The following ABHD16A variants were observed in gnomAD, a reference collection of about 807,000 sequenced individuals.
ABHD16A encodes the protein abhydrolase domain containing 16A, phospholipase, also known as phosphatidylserine lipase ABHD16A.
Under a neutral mutation model 89.8 loss-of-function variants are expected in ABHD16A, and 47 were observed. The observed-to-expected ratio is 0.52, with a 90% CI of 0.41 to 0.67. The LOEUF is 0.67. ABHD16A is among the 30% of genes least tolerant of loss of function. The probability of loss-of-function intolerance (pLI) is 0.00; values close to 1 mark genes in which losing one functional copy is unlikely to be tolerated. For synonymous variants in ABHD16A, 251 were observed against 280.4 expected, an observed-to-expected ratio of 0.90 and a Z score of 1.05; for missense variants, 580 against 734.6, an observed-to-expected ratio of 0.79 and a Z score of 2.43.
At position 31,698,407 on chromosome 6, in the gene ABHD16A, TA is replaced by T. The variant is rs376343237; in HGVS notation, c.344-1375del. ...AAAGCAAATATCACAAAACTATATATAAAAAAAAAATCACAAAACTATACAT... is the reference window on the plus strand; with the variant it reads ...AAAGCAAATATCACAAAACTATATATAAAAAAAAATCACAAAACTATACAT... On this transcript the variant is annotated intron_variant, in intron 4 of 19. Coordinates refer to ENST00000395952, the MANE Select transcript of ABHD16A (RefSeq NM_021160.3). The surrounding 1 kb of genome is among the most constrained non-coding windows in gnomAD (Gnocchi z 4.1). 1.5e-4 allele frequency among the ~76,000 whole-genome samples: 22 copies of T among 149,822 alleles called. No homozygotes were observed. The highest frequency in any genetic ancestry group is 3.2e-4 in the African/African-American group (13 of 40,998).
Position 31,690,382 on chromosome 6 carries a change from G to A in ABHD16A, c.907+157C>T. ...ACACAGGCCAGGGGAGGGATGTAAGGTTATCAAAGCAAATGGCGAGTGGAC... is the reference window on the plus strand; with the variant it reads ...ACACAGGCCAGGGGAGGGATGTAAGATTATCAAAGCAAATGGCGAGTGGAC... On this transcript the variant is annotated intron_variant, in intron 10 of 19. Coordinates refer to ENST00000395952, the MANE Select transcript of ABHD16A (RefSeq NM_021160.3). The surrounding 1 kb of genome is among the most constrained non-coding windows in gnomAD (Gnocchi z 4.1). 3.6e-6 allele frequency: 3 copies of A among 824,268 alleles called. No homozygotes were observed. Among genetic ancestry groups the A allele is most frequent in the Admixed American group, 2.2e-5 (1 of 45,518 alleles). The allele number at this position is 824,268 out of a possible 1,614,324, so 51.1% of individuals were successfully genotyped here. A position where few individuals can be genotyped will look rare whatever the true frequency, so the allele number is the denominator to read the frequency against.
chr6:31,689,217 T>C, intron 12 of ABHD16A, 98 bp from the exon 13 acceptor site: 1 of 1,070,542 alleles, frequency 9.3e-7, no homozygotes, highest in East Asian at 2.6e-5. Flanking sequence ...GCCAACCCCA[T>C]TCCCCCTATG....
chr6:31,690,311 T>G lies in ABHD16A; in HGVS notation c.908-184A>C. The G allele has an allele frequency of 5.9e-6, 4 of 673,224 alleles. No individual in the cohort carries two copies. Among genetic ancestry groups the G allele is most frequent in the Non-Finnish European group, 1.0e-5 (4 of 395,752 alleles). The allele number at this position is 673,224 out of a possible 1,614,324, so 41.7% of individuals were successfully genotyped here. On this transcript the variant is annotated intron_variant, in intron 10 of 19. Coordinates refer to ENST00000395952, the MANE Select transcript of ABHD16A (RefSeq NM_021160.3). The surrounding 1 kb of genome is among the most constrained non-coding windows in gnomAD (Gnocchi z 4.1). ...GGGAGCAGCATGTGATTGTGTGGGGTGTGTGGTGGGGGAATGGAACAGAAT... is the reference window on the plus strand; with the variant it reads ...GGGAGCAGCATGTGATTGTGTGGGGGGTGTGGTGGGGGAATGGAACAGAAT...
chr6:31,693,271 T>C lies in ABHD16A; in HGVS notation c.503+88A>G. The C allele has an allele frequency of 3.1e-6, 5 of 1,589,722 alleles. No homozygotes were observed. The highest frequency in any genetic ancestry group is 4.3e-6 in the Non-Finnish European group (5 of 1,161,688). ...GCATTGGAAGGCAGGCACTGTGACC[T>C]GAGAGGGCATGGAGGTGGGAGGGCA... On this transcript the variant is annotated intron_variant, in intron 6 of 19. Transcript: ENST00000395952. The surrounding 1 kb of genome is among the most constrained non-coding windows in gnomAD (Gnocchi z 5.0).
chr6:31,702,140 C>A lies in ABHD16A; in HGVS notation c.133-10G>T. 1.2e-6 allele frequency: 2 copies of A among 1,613,086 alleles called. No individual in the cohort carries two copies. The highest frequency in any genetic ancestry group is 1.7e-6 in the Non-Finnish European group (2 of 1,180,012). On this transcript the variant is annotated splice_polypyrimidine_tract_variant and intron_variant, in intron 1 of 19. Coordinates refer to ENST00000395952, the MANE Select transcript of ABHD16A (RefSeq NM_021160.3). ...GCTGATAGTACGTATCCTGCCAAAACAGATGGCCTCCTTAAGGACCCTGCC... is the reference window on the plus strand; with the variant it reads ...GCTGATAGTACGTATCCTGCCAAAAAAGATGGCCTCCTTAAGGACCCTGCC...
chr6:31,688,766 CGGTCCT>C lies in ABHD16A; in HGVS notation c.1201_1206del (p.Arg401_Thr402del). 6.2e-7 allele frequency: 1 copy of C among 1,613,002 alleles called. No homozygotes were observed. The highest frequency in any genetic ancestry group is 8.5e-7 in the Non-Finnish European group (1 of 1,179,980). On this transcript the variant is annotated inframe_deletion, in exon 14 of 20. Coordinates refer to ENST00000395952, the MANE Select transcript of ABHD16A (RefSeq NM_021160.3). The surrounding 1 kb of genome is among the most constrained non-coding windows in gnomAD (Gnocchi z 4.9). The stretch of plus-strand genomic sequence containing the variant: ...TTGTTTAGATTGAGATGCTGCCTCA[CGGTCCT>C]GGTCACCAGGCCCCCTAGAGTGGGA...
intron 7 of ABHD16A, chr6:31,692,237 G>C (rs1184296198): frequency 3.5e-6 from 1 of 285,528 alleles, no homozygotes; most frequent in Non-Finnish European, 6.5e-6. Flanking sequence ...ATCAGATTAT[G>C]ATTCTGTTAA....
At chr6:31,694,726 C>A (rs969698612) in intron 5 of ABHD16A, among the ~76,000 whole-genome samples, 6 of 152,116 alleles carry the variant, frequency 3.9e-5, no homozygotes. Flanking sequence ...ATTCGTCCCC[C>A]ACCCCCTGAG....
In ABHD16A at chr6:31,703,199, C is replaced by T; in HGVS notation, c.83G>A (p.Ser28Asn). 7.0e-7 allele frequency: 1 copy of T among 1,437,984 alleles called. No individual in the cohort carries two copies. The highest frequency in any genetic ancestry group is 1.5e-5 in the South Asian group (1 of 67,032). The allele number at this position is 1,437,984 out of a possible 1,614,324, so 89.1% of individuals were successfully genotyped here. A position where few individuals can be genotyped will look rare whatever the true frequency, so the allele number is the denominator to read the frequency against. Reference protein sequence around the residue: ...RERDSERAPASVPETPTAVTA... With the variant: ...RERDSERAPANVPETPTAVTA... ...GACTGCCGTTGGCGTCTCAGGGACG[C>T]TGGCCGGGGCCCTTTCAGAGTCCCT... Residue 28 changes from serine to asparagine, a missense_variant, in exon 1 of 20, where the codon AGC (serine) becomes AAC (asparagine). Transcript: ENST00000395952.
rs1189500747 is a variant in ABHD16A at position 31,701,303 on chromosome 6, G to A, written c.227C>T (p.Pro76Leu). ...VFWSISYYSS[P>L]FAFFYLYRKG... ...CCTGTACAAGTAGAAGAAGGCGAAG[G>A]GAGAGGAGTAATAAGAGATGGACCA... is the stretch of plus-strand genomic sequence containing the variant. Residue 76 changes from proline (P) to leucine (L), a missense_variant, in exon 3 of 20, where the codon CCC becomes CTC. Transcript: ENST00000395952. The A allele has an allele frequency of 3.1e-6, 5 of 1,613,502 alleles. No homozygotes were observed. Among genetic ancestry groups the A allele is most frequent in the Non-Finnish European group, 4.2e-6 (5 of 1,179,868 alleles).
At chr6:31,691,362 T>C in intron 9 of ABHD16A, 2 of 554,270 alleles carry the variant, frequency 3.6e-6, no homozygotes, top group Non-Finnish European at 6.5e-6. Context: ...AAGTGGTAAC[T>C]ATTAATATTA....
At position 31,691,849 on chromosome 6, in the gene ABHD16A, G is replaced by A. The variant is rs1283109652; in HGVS notation, c.696C>T (p.Ala232=). 3.1e-6 allele frequency: 5 copies of A among 1,611,882 alleles called. No homozygotes were observed. The highest frequency in any genetic ancestry group is 1.7e-5 in the Admixed American group (1 of 59,994). The change falls in exon 8 of 20, where the codon GCC becomes GCT. Residue 232 remains alanine (A), a synonymous_variant. Coordinates refer to ENST00000395952, the MANE Select transcript of ABHD16A (RefSeq NM_021160.3). ...YPGSVYLLQK[A]LMPVLLQGQA... ...GGCCCTGCAGCAGCACAGGCATGAG[G>A]GCCTTCTGCAGCAGGTACACAGAGC... is the stretch of plus-strand genomic sequence containing the variant.
intron 5 of ABHD16A, among the ~76,000 whole-genome samples, chr6:31,694,350 C>T (rs1297309958): frequency 6.6e-6 from 1 of 151,606 alleles, no homozygotes; most frequent in Non-Finnish European, 1.5e-5. Context: ...AACCACCTCA[C>T]CAGCTCCACG....
Position 31,688,322 on chromosome 6 carries a change from A to G in ABHD16A, c.1251-17T>C. 6.2e-7 allele frequency: 1 copy of G among 1,613,512 alleles called. No homozygotes were observed. Among genetic ancestry groups the G allele is most frequent in the Non-Finnish European group, 8.5e-7 (1 of 1,179,500 alleles). ...CCCTGGTATCTTCAGAGAACAGAGC[A>G]GTGGGAAGGGAGAGCTCAGAGGGAG... On this transcript the variant is annotated splice_polypyrimidine_tract_variant and intron_variant, in intron 14 of 19. Coordinates refer to ENST00000395952, the MANE Select transcript of ABHD16A (RefSeq NM_021160.3). This position sits in a 1 kb window ranked among gnomAD's most constrained non-coding sequence, Gnocchi z 4.9.
Position 31,702,136 on chromosome 6 carries a change from A to G in ABHD16A, c.133-6T>C, listed in dbSNP as rs754863952. ...CGGGGCTGATAGTACGTATCCTGCCAAAACAGATGGCCTCCTTAAGGACCC... is the reference window on the plus strand; with the variant it reads ...CGGGGCTGATAGTACGTATCCTGCCGAAACAGATGGCCTCCTTAAGGACCC... On this transcript the variant is annotated splice_region_variant and splice_polypyrimidine_tract_variant and intron_variant, in intron 1 of 19. Coordinates refer to ENST00000395952, the MANE Select transcript of ABHD16A (RefSeq NM_021160.3). 2.5e-6 allele frequency: 4 copies of G among 1,613,072 alleles called. No homozygotes were observed. Among genetic ancestry groups the G allele is most frequent in the Non-Finnish European group, 3.4e-6 (4 of 1,180,008 alleles).
At position 31,690,026 on chromosome 6, in the gene ABHD16A, A is replaced by G; in HGVS notation, c.957+52T>C. The G allele has an allele frequency of 6.5e-7, 1 of 1,528,330 alleles. No individual in the cohort carries two copies. Among genetic ancestry groups the G allele is most frequent in the Non-Finnish European group, 8.8e-7 (1 of 1,133,962 alleles). The allele number at this position is 1,528,330 out of a possible 1,614,324, so 94.7% of individuals were successfully genotyped here. On this transcript the variant is annotated intron_variant, in intron 11 of 19. Transcript: ENST00000395952. This position sits in a 1 kb window ranked among gnomAD's most constrained non-coding sequence, Gnocchi z 4.1. ...TCTCCTCCCTCCAATGGCTGACCAGAGGGAAACAGACATAATTCAGGAAAA... is the reference window on the plus strand; with the variant it reads ...TCTCCTCCCTCCAATGGCTGACCAGGGGGAAACAGACATAATTCAGGAAAA...
At chr6:31,696,795 G>A (rs1453665695) in intron 5 of ABHD16A, among the ~76,000 whole-genome samples, 153 bp downstream of exon 5, 1 of 152,186 alleles carries the variant, frequency 6.6e-6, no homozygotes, top group Non-Finnish European at 1.5e-5. Flanking sequence ...ATGGAGGTGA[G>A]AAGGGATACA....
rs1804465006 is a variant in ABHD16A, at chr6:31,697,010, G to C, written c.367C>G (p.Gln123Glu). Residue 123 changes from glutamine to glutamate, a missense_variant, in exon 5 of 20, where the codon CAG (glutamine) becomes GAG (glutamate). Physicochemically the swap from Gln to Glu is conservative, Grantham distance 29. Coordinates refer to ENST00000395952, the MANE Select transcript of ABHD16A (RefSeq NM_021160.3). ...LRGIGRWTNP[Q>E]YRQFITILEA... ...AAGATGGTGATGAACTGCCGGTACT[G>C]GGGGTTGGTCCAGCGGCCAATGCCT... 1 of 1,613,074 alleles carries C rather than the reference G, an allele frequency of 6.2e-7. No individual in the cohort carries two copies.
rs941183555 is a variant in ABHD16A, at chr6:31,687,783, T to C, written c.1447+41A>G. On this transcript the variant is annotated intron_variant, in intron 17 of 19. Transcript: ENST00000395952. The surrounding 1 kb of genome is among the most constrained non-coding windows in gnomAD (Gnocchi z 6.3). ...TGACAGCCAGTCAGCAACCTGACCT[T>C]GCTGGGCCCCCGCCCCAAGCCTCAC... 6.2e-7 allele frequency: 1 copy of C among 1,612,892 alleles called. No homozygotes were observed. The highest frequency in any genetic ancestry group is 1.3e-5 in the African/African-American group (1 of 75,036).
Sources: allele counts gnomAD v4.1 joint callset (sites outside exome capture counted in the v4.1 genomes callset), GRCh38; gene constraint gnomAD v4.1.1; non-coding constraint Gnocchi (gnomAD v3.1); transcripts MANE v1.5; gene names NCBI Gene and HGNC (gene_info 2026-07-23, HGNC 2026-07-21).